The following FBXO7 variants were observed in gnomAD, a reference collection of about 807,000 sequenced individuals.
FBXO7 encodes F-box protein 7.
In FBXO7, 31 loss-of-function variants were observed where a neutral mutation model predicts 50.2. That is an observed-to-expected ratio of 0.62 (90% CI 0.46 to 0.83). FBXO7 has a LOEUF of 0.83. FBXO7 is among the 40% of genes least tolerant of loss of function. FBXO7 has a pLI of 0.00. For synonymous variants in FBXO7, 256 were observed against 253.1 expected, an observed-to-expected ratio of 1.01 and a Z score of -0.11; for missense variants, 667 against 646.6, an observed-to-expected ratio of 1.03 and a Z score of -0.34.
chr22:32,493,109 G>A lies in FBXO7; in HGVS notation c.972G>A (p.Leu324=), dbSNP rs554745494. ...YPLLAFTRQA[L]NLPDVFGLVV... The stretch of plus-strand genomic sequence containing the variant: ...CTTCTCTTTTTTTCCTTTTAGCACT[G>A]AACCTACCAGATGTATTTGGGTTGG... Residue 324 remains leucine, a synonymous_variant, in exon 7 of 9, where the codon CTG becomes CTA. Coordinates refer to ENST00000266087, the MANE Select transcript of FBXO7 (RefSeq NM_012179.4). The A allele has an allele frequency of 3.1e-6, 5 of 1,614,038 alleles. No individual in the cohort carries two copies. Among genetic ancestry groups the A allele is most frequent in the African/African-American group, 1.3e-5 (1 of 75,000 alleles).
At chr22:32,475,154 C>CG (rs1193282821) in intron 1 of FBXO7, 30 bp downstream of exon 1, 1 of 1,162,946 alleles carries the variant, frequency 8.6e-7, no homozygotes, top group African/African-American at 1.6e-5. Context: ...GGGCGGCCCG[C>CG]GGGGAGTGGG....
chr22:32,483,506 C>T (rs2057478252), intron 2 of FBXO7, among the ~76,000 whole-genome samples: 1 of 152,160 alleles, frequency 6.6e-6, no homozygotes, highest in East Asian at 1.9e-4. Context: ...ATACTTGCAA[C>T]GGAAGCTCTT....
At chr22:32,484,199 C>A in intron 3 of FBXO7, 75 bp downstream of exon 3, 1 of 1,345,064 alleles carries the variant, frequency 7.4e-7, no homozygotes, top group Non-Finnish European at 1.1e-6. Context: ...TCAAGTTGCC[C>A]GTAGTCTGAG....
At position 32,498,640 on chromosome 22, in the gene FBXO7, G is replaced by A; in HGVS notation, c.*110G>A. 7.6e-7 allele frequency: 1 copy of A among 1,313,604 alleles called. No individual in the cohort carries two copies. The highest frequency in any genetic ancestry group is 1.1e-6 in the Non-Finnish European group (1 of 945,236). The allele number at this position is 1,313,604 out of a possible 1,614,324, so 81.4% of individuals were successfully genotyped here. A position where few individuals can be genotyped will look rare whatever the true frequency, so the allele number is the denominator to read the frequency against. ...TGTTATTTTCTGATTGTGGTGTTGA[G>A]AGTTGCACTCCCAGAAACCTTTTAA... On this transcript the variant is annotated 3_prime_UTR_variant, in exon 9 of 9. Transcript: ENST00000266087.
chr22:32,486,938 T>A (rs1351498175), intron 4 of FBXO7, among the ~76,000 whole-genome samples: 1 of 152,248 alleles, frequency 6.6e-6, no homozygotes, highest in Non-Finnish European at 1.5e-5. Flanking sequence ...AAATTTTGCC[T>A]TGATTTTTTA....
chr22:32,487,788 G>T lies in FBXO7; in HGVS notation c.831G>T (p.Leu277Phe), dbSNP rs2057508300. Residue 277 changes from leucine (L) to phenylalanine (F), a missense_variant, in exon 5 of 9, where the codon TTG (leucine) becomes TTT (phenylalanine). Coordinates refer to ENST00000266087, the MANE Select transcript of FBXO7 (RefSeq NM_012179.4). ...INNEIRSVKR[L>F]QLLPESFICK... is the part of the protein sequence containing the mutation. ...ATGAGATTAGAAGTGTGAAAAGATT[G>T]CAGCTGCTACCAGAATCTTTTATTT... The T allele has an allele frequency of 1.2e-6, 2 of 1,610,464 alleles. No individual in the cohort carries two copies. Among genetic ancestry groups the T allele is most frequent in the Admixed American group, 3.3e-5 (2 of 59,944 alleles).
chr22:32,476,463 C>T (rs1008361568), intron 1 of FBXO7, among the ~76,000 whole-genome samples: 5 of 152,148 alleles, frequency 3.3e-5, no homozygotes, highest in Non-Finnish European at 7.4e-5. Context: ...CAAAAGGGCA[C>T]GTTGGTTTCT....
At position 32,498,349 on chromosome 22, in the gene FBXO7, C is replaced by T. The variant is rs1182785309; in HGVS notation, c.1388C>T (p.Ser463Leu). Reference protein sequence around the residue: ...TLPYVGDPISSLIPGPGETPS... With the variant: ...TLPYVGDPISLLIPGPGETPS... ...CCCTATGTTGGAGACCCAATCAGTT[C>T]ACTCATTCCTGGTCCTGGGGAGACG... Residue 463 changes from serine to leucine, a missense_variant, in exon 9 of 9, where the codon TCA becomes TTA. By Grantham distance (145) the Ser-to-Leu change is moderately radical. Coordinates refer to ENST00000266087, the MANE Select transcript of FBXO7 (RefSeq NM_012179.4). 15 of 1,614,074 alleles carry T rather than the reference C, an allele frequency of 9.3e-6. No individual in the cohort carries two copies. The highest frequency in any genetic ancestry group is 6.7e-5 in the Admixed American group (4 of 60,010).
At chr22:32,482,395 C>T (rs1312299708) in intron 2 of FBXO7, among the ~76,000 whole-genome samples, 2 of 152,172 alleles carry the variant, frequency 1.3e-5, no homozygotes, top group African/African-American at 2.4e-5. Context: ...ATTTTAATTT[C>T]CTTTGCCCCT....
At chr22:32,480,627 A>T (rs1468867859) in intron 2 of FBXO7, among the ~76,000 whole-genome samples, 1 of 151,134 alleles carries the variant, frequency 6.6e-6, no homozygotes, top group African/African-American at 2.4e-5. Flanking sequence ...TGTATTGATT[A>T]TCTGATTATC....
chr22:32,475,167 G>A, intron 1 of FBXO7, 43 bp downstream of exon 1: 2 of 1,529,842 alleles, frequency 1.3e-6, no homozygotes. Flanking sequence ...GGAGTGGGGA[G>A]TGCTTGGGGT....
chr22:32,481,487 C>T (rs982052693), intron 2 of FBXO7, among the ~76,000 whole-genome samples: 1 of 152,106 alleles, frequency 6.6e-6, no homozygotes, highest in Admixed American at 6.5e-5. Flanking sequence ...CCTGAAGTTA[C>T]TAATTTCAGT....
At chr22:32,475,560 G>C in intron 1 of FBXO7, 2 of 891,896 alleles carry the variant, frequency 2.2e-6, no homozygotes, top group Non-Finnish European at 3.2e-6. Context: ...AGCTGTTGGA[G>C]TATTTCAATG....
At chr22:32,477,410 T>C (rs1271720211) in intron 1 of FBXO7, among the ~76,000 whole-genome samples, 2 of 150,630 alleles carry the variant, frequency 1.3e-5, no homozygotes, top group South Asian at 4.1e-4. Context: ...TGTTTTATAA[T>C]GTTTTGTTAT....
chr22:32,496,240 G>A (rs111428037), intron 8 of FBXO7, among the ~76,000 whole-genome samples: 7 of 152,294 alleles, frequency 4.6e-5, no homozygotes, highest in African/African-American at 1.7e-4. Context: ...CAGCACTTTG[G>A]GAGGCCGAAG....
At position 32,474,905 on chromosome 22, in the gene FBXO7, T is replaced by TCCGG; in HGVS notation, c.-97_-94dup. On this transcript the variant is annotated 5_prime_UTR_variant, in exon 1 of 9. Transcript: ENST00000266087. ...ACCCCTCAGCTCCGGTAGTCGCCAG[T>TCCGG]CCGGGGTCGTCGCCGTTTGGGGCGG... 2 of 1,251,754 alleles carry TCCGG rather than the reference T, an allele frequency of 1.6e-6. No individual in the cohort carries two copies. Among genetic ancestry groups the TCCGG allele is most frequent in the Non-Finnish European group, 2.2e-6 (2 of 927,952 alleles). 77.5% of individuals were successfully genotyped at this position (1,251,754 alleles called of 1,614,324 possible).
At chr22:32,477,714 C>T (rs2057437740) in intron 1 of FBXO7, among the ~76,000 whole-genome samples, 1 of 152,124 alleles carries the variant, frequency 6.6e-6, no homozygotes, top group African/African-American at 2.4e-5. Context: ...TTTTTCGGAA[C>T]CATTATAAGT....
At position 32,484,626 on chromosome 22, in the gene FBXO7, A is replaced by G. The variant is rs148786019; in HGVS notation, c.646-442A>G. On this transcript the variant is annotated intron_variant, in intron 3 of 8. Transcript: ENST00000266087. ...ATAAAAAGATACTCAGAAATAACACAGGTAAACATAGATAATAATACAATT... is the reference window on the plus strand; with the variant it reads ...ATAAAAAGATACTCAGAAATAACACGGGTAAACATAGATAATAATACAATT... 6.4e-3 allele frequency among the ~76,000 whole-genome samples: 970 copies of G among 152,362 alleles called. 6 individuals are homozygous for G. Among genetic ancestry groups the G allele is most frequent in the African/African-American group, 0.022 (922 of 41,584 alleles).
In FBXO7 at chr22:32,475,047, G is replaced by C; in HGVS notation, c.45G>C (p.Glu15Asp). 6.5e-7 allele frequency: 1 copy of C among 1,544,554 alleles called. No homozygotes were observed. Among genetic ancestry groups the C allele is most frequent in the Non-Finnish European group, 8.7e-7 (1 of 1,145,962 alleles). Residue 15 changes from glutamate to aspartate, a missense_variant, in exon 1 of 9, where the codon GAG (glutamate) becomes GAC (aspartate). Coordinates refer to ENST00000266087, the MANE Select transcript of FBXO7 (RefSeq NM_012179.4). ...TTCTGAAGCGGACCTGGCCGCTGGA[G>C]GTGCCCGAGACGGAGCCGACGCTGG... ...VRLLKRTWPL[E>D]VPETEPTLGH...
Sources: gnomAD v4.1 joint callset for allele counts (sites outside exome capture counted in the v4.1 genomes callset) on GRCh38, gnomAD v4.1.1 for gene constraint, MANE v1.5 for transcripts, NCBI Gene and HGNC (gene_info 2026-07-23, HGNC 2026-07-21) for gene names.